SDK1: variants seen among roughly 807,000 people sequenced by gnomAD.
SDK1 encodes the protein sidekick cell adhesion molecule 1.
SDK1 carries 157 observed loss-of-function variants against 245.5 expected under a neutral mutation model. The ratio of observed to expected loss-of-function variants is 0.64; its 90% CI spans 0.56 to 0.73. SDK1 has a LOEUF of 0.73. Among genes scored for constraint, SDK1 ranks in the 30% least tolerant of loss-of-function variants. The pLI is 0.00. For synonymous variants in SDK1, 1,647 were observed against 1,278.5 expected, an observed-to-expected ratio of 1.29 and a Z score of -6.15; for missense variants, 3,583 against 3,002.3, an observed-to-expected ratio of 1.19 and a Z score of -4.52.
At chr7:3,513,286 A>T (rs556570768) in intron 1 of SDK1, among the ~76,000 whole-genome samples, 1 of 152,200 alleles carries the variant, frequency 6.6e-6, no homozygotes, top group East Asian at 1.9e-4. Context: ...AAAGTGGCCA[A>T]TAAGAGACAG....
rs777047624 is a variant in SDK1, at chr7:4,077,040, G to A, written c.3053G>A (p.Arg1018His). The change falls in exon 21 of 45, where the codon CGT (arginine) becomes CAT (histidine). Residue 1018 changes from arginine (R) to histidine (H), a missense_variant. Physicochemically the swap from Arg to His is conservative, Grantham distance 29. Transcript: ENST00000404826. ...SWEVYGRNDS[R>H]LTHTLNSTTH... ...GAAGTGTACGGCAGGAACGACTCTC[G>A]TCTCACGCACACCCTGAACAGCACG... 36 of 1,614,002 alleles carry A rather than the reference G, an allele frequency of 2.2e-5. No homozygotes were observed. The East Asian group carries it at 3.3e-4, about 15-fold the overall frequency.
intron 19 of SDK1, among the ~76,000 whole-genome samples, chr7:4,064,535 C>A (rs1779746453): frequency 6.6e-6 from 1 of 152,146 alleles, no homozygotes; most frequent in Non-Finnish European, 1.5e-5. Flanking sequence ...AATAGAACTA[C>A]CCTATGAGCC....
At chr7:3,768,711 C>T (rs780305674) in intron 4 of SDK1, among the ~76,000 whole-genome samples, 15 of 152,166 alleles carry the variant, frequency 9.9e-5, no homozygotes, top group African/African-American at 2.4e-4. Flanking sequence ...TGTAGGTACA[C>T]GTTTATGCTC....
At chr7:4,181,872 C>T (rs1782621739) in intron 35 of SDK1, among the ~76,000 whole-genome samples, 1 of 152,224 alleles carries the variant, frequency 6.6e-6, no homozygotes, top group Admixed American at 6.5e-5. Flanking sequence ...GTGCCCTGTG[C>T]AGCCCCTCCA....
At chr7:3,771,580 T>C (rs1780406874) in intron 4 of SDK1, among the ~76,000 whole-genome samples, 1 of 152,216 alleles carries the variant, frequency 6.6e-6, no homozygotes, top group South Asian at 2.1e-4. Flanking sequence ...TTCTCTTTGA[T>C]TCATAGGATG....
At chr7:3,772,811 C>T (rs1780441208) in intron 4 of SDK1, among the ~76,000 whole-genome samples, 2 of 152,114 alleles carry the variant, frequency 1.3e-5, no homozygotes. Flanking sequence ...TTAATTCCAC[C>T]CTCACATCTG....
rs540504759 is a variant in SDK1, at chr7:4,083,196, C to T, written c.3324+3612C>T. Among the ~76,000 whole-genome samples the T allele has an allele frequency of 9.2e-5, 14 of 152,260 alleles. No individual in the cohort carries two copies. The South Asian group carries it at 2.7e-3, about 29-fold the overall frequency. ...TATACACACACCTGGGAAGCTGTGA[C>T]CACAGATGAGATAATGAACAGGTTC... On this transcript the variant is annotated intron_variant, in intron 22 of 44. Coordinates refer to ENST00000404826, the MANE Select transcript of SDK1 (RefSeq NM_152744.4).
At chr7:3,390,389 A>G (rs1322682992) in intron 1 of SDK1, among the ~76,000 whole-genome samples, 3 of 152,198 alleles carry the variant, frequency 2.0e-5, no homozygotes, top group Admixed American at 6.5e-5. Flanking sequence ...ATCTAATTAC[A>G]GTTATCGAAG....
chr7:3,574,502 G>A (rs547034785), intron 1 of SDK1, among the ~76,000 whole-genome samples: 4 of 152,138 alleles, frequency 2.6e-5, no homozygotes, highest in Admixed American at 2.0e-4. Context: ...GGTAACCAAC[G>A]GGGCTAGCAT....
intron 44 of SDK1, among the ~76,000 whole-genome samples, chr7:4,255,590 G>C (rs546704621): frequency 7.2e-5 from 11 of 152,290 alleles, no homozygotes; most frequent in Admixed American, 6.5e-4. Flanking sequence ...GGCTGGATGC[G>C]GGACAGGAGC....
At chr7:3,999,908 G>A (rs1396268424) in intron 14 of SDK1, among the ~76,000 whole-genome samples, 1 of 152,126 alleles carries the variant, frequency 6.6e-6, no homozygotes, top group Non-Finnish European at 1.5e-5. Context: ...GGACAGAGAG[G>A]GACCAAATGA....
chr7:3,672,677 G>T (rs1783742202), intron 4 of SDK1, among the ~76,000 whole-genome samples: 1 of 129,220 alleles, frequency 7.7e-6, no homozygotes, highest in South Asian at 2.4e-4. Context: ...ATATAAATTT[G>T]TTATTAAATA....
intron 28 of SDK1, among the ~76,000 whole-genome samples, chr7:4,141,027 G>C (rs999298287): frequency 1.3e-4 from 20 of 152,214 alleles, no homozygotes; most frequent in African/African-American, 4.3e-4. Context: ...TGGGTCAGGA[G>C]CCAGGTCTCC....
intron 35 of SDK1, among the ~76,000 whole-genome samples, chr7:4,192,641 A>G (rs1783277411): frequency 6.6e-6 from 1 of 152,176 alleles, no homozygotes; most frequent in Non-Finnish European, 1.5e-5. Flanking sequence ...CATTGAACAG[A>G]TTATGGTATC....
At chr7:3,571,739 A>G (rs1295137306) in intron 1 of SDK1, among the ~76,000 whole-genome samples, 1 of 152,138 alleles carries the variant, frequency 6.6e-6, no homozygotes, top group Admixed American at 6.5e-5. Flanking sequence ...AATGAATATA[A>G]CATTCTTGGT....
chr7:3,433,840 A>G (rs1047775204), intron 1 of SDK1, among the ~76,000 whole-genome samples: 10 of 152,216 alleles, frequency 6.6e-5, no homozygotes, highest in African/African-American at 1.9e-4. Context: ...TACAGAGTAC[A>G]TACAAGCCGT....
At chr7:3,965,062 G>A (rs928597257) in intron 9 of SDK1, among the ~76,000 whole-genome samples, 1 of 152,176 alleles carries the variant, frequency 6.6e-6, no homozygotes, top group Non-Finnish European at 1.5e-5. Flanking sequence ...AGCTTTTTCT[G>A]CGAAGGGCCT....
chr7:3,495,684 T>G (rs1336308210), intron 1 of SDK1, among the ~76,000 whole-genome samples: 2 of 152,222 alleles, frequency 1.3e-5, no homozygotes, highest in African/African-American at 4.8e-5. Flanking sequence ...CTACTCCGTG[T>G]GGTTCCTGCG....
intron 4 of SDK1, among the ~76,000 whole-genome samples, chr7:3,719,126 T>C (rs1785288755): frequency 6.6e-6 from 1 of 152,156 alleles, no homozygotes; most frequent in African/African-American, 2.4e-5. Context: ...TGTATTTCAT[T>C]TGGGGATAAA....
Sources: allele counts gnomAD v4.1 joint callset (sites outside exome capture counted in the v4.1 genomes callset), GRCh38; gene constraint gnomAD v4.1.1; transcripts MANE v1.5; gene names NCBI Gene and HGNC (gene_info 2026-07-23, HGNC 2026-07-21).